Variants in SMARCD3 observed in about 807,000 individuals in gnomAD.
The protein encoded by SMARCD3 is SWI/SNF related BAF chromatin remodeling complex subunit D3.
Under a neutral mutation model 58.0 loss-of-function variants are expected in SMARCD3, and 14 were observed. That is an observed-to-expected ratio of 0.24 (90% confidence interval 0.16 to 0.38). SMARCD3 has a LOEUF of 0.38. SMARCD3 is among the 10% of genes least tolerant of loss of function. The pLI is 1.00. For missense variants in SMARCD3, 408 were observed against 636.9 expected, an observed-to-expected ratio of 0.64 and a Z score of 3.87; for synonymous variants, 253 against 253.8, an observed-to-expected ratio of 1.00 and a Z score of 0.03.
At chr7:151,275,002 G>A (rs764102039) in intron 2 of SMARCD3, 37 of 836,922 alleles carry the variant, frequency 4.4e-5, no homozygotes, top group Non-Finnish European at 7.1e-5. Flanking sequence ...CCAGCTGGGG[G>A]CAGAAATGCC....
intron 2 of SMARCD3, among the ~76,000 whole-genome samples, chr7:151,265,955 C>T (rs1447948524): frequency 2.0e-5 from 3 of 152,048 alleles, no homozygotes; most frequent in Admixed American, 6.6e-5. Flanking sequence ...TCAATTTAAC[C>T]TCAATTTTTT....
intron 2 of SMARCD3, among the ~76,000 whole-genome samples, chr7:151,272,320 G>A (rs1795200005): frequency 6.6e-6 from 1 of 152,126 alleles, no homozygotes; most frequent in Non-Finnish European, 1.5e-5. Flanking sequence ...TGGTGCAGTA[G>A]CCACATCCTA....
rs1000389532 is a variant in SMARCD3 at position 151,242,583 on chromosome 7, G to C, written c.477C>G (p.Leu159=). The C allele has an allele frequency of 1.2e-6, 2 of 1,613,566 alleles. No individual in the cohort carries two copies. Among genetic ancestry groups the C allele is most frequent in the Non-Finnish European group, 1.7e-6 (2 of 1,179,500 alleles). The change falls in exon 5 of 13, where the codon CTC becomes CTG. Residue 159 remains leucine, a synonymous_variant. Transcript: ENST00000262188. The surrounding 1 kb of genome is among the most constrained non-coding windows in gnomAD (Gnocchi z 4.7). The part of the protein sequence containing the change: ...RPMKQKRKLR[L]YISNTFNPAK... ...CAGGGTTAAAAGTGTTGGAGATATA[G>C]AGTCGCAGCTTCCGCTTTTGCTGTA...
chr7:151,247,616 G>A (rs1037628771), intron 1 of SMARCD3, among the ~76,000 whole-genome samples: 10 of 151,994 alleles, frequency 6.6e-5, no homozygotes, highest in African/African-American at 2.4e-4. Flanking sequence ...TAGTAAACCC[G>A]ACAGCTTCCT....
intron 2 of SMARCD3, among the ~76,000 whole-genome samples, chr7:151,273,158 C>T (rs1012344878): frequency 1.3e-5 from 2 of 152,236 alleles, no homozygotes; most frequent in African/African-American, 4.8e-5. Context: ...GATAAGATGC[C>T]AAACTTCCAC....
chr7:151,239,882 GAA>G lies in SMARCD3; in HGVS notation c.1174-138_1174-137del, dbSNP rs1166881194. The G allele has an allele frequency of 1.7e-5, 18 of 1,034,954 alleles. No homozygotes were observed. The East Asian group carries it at 4.0e-4, about 23-fold the overall frequency. The allele number at this position is 1,034,954 out of a possible 1,614,324, so 64.1% of individuals were successfully genotyped here. On this transcript the variant is annotated intron_variant, in intron 10 of 12. Coordinates refer to ENST00000262188, the MANE Select transcript of SMARCD3 (RefSeq NM_001003801.2). The surrounding 1 kb of genome is among the most constrained non-coding windows in gnomAD (Gnocchi z 7.0). ...ACCCCTCAGAGCCCCTGATTTCTCT[GAA>G]GTCCCAGGGGAGGAGGGGATGGGCA...
Position 151,239,338 on chromosome 7 carries a change from G to A in SMARCD3, c.1398+58C>T, listed in dbSNP as rs1802829807. ...GCGAGGGCTGCCCACAAGCTGAACAGGGAGGTTTCTCTTGGAGTTGAGGAT... is the reference window on the plus strand; with the variant it reads ...GCGAGGGCTGCCCACAAGCTGAACAAGGAGGTTTCTCTTGGAGTTGAGGAT... On this transcript the variant is annotated intron_variant, in intron 12 of 12. Coordinates refer to ENST00000262188, the MANE Select transcript of SMARCD3 (RefSeq NM_001003801.2). The surrounding 1 kb of genome is among the most constrained non-coding windows in gnomAD (Gnocchi z 7.0). 6.9e-7 allele frequency: 1 copy of A among 1,450,204 alleles called. No homozygotes were observed. The highest frequency in any genetic ancestry group is 9.7e-7 in the Non-Finnish European group (1 of 1,032,320). 89.8% of individuals were successfully genotyped at this position (1,450,204 alleles called of 1,614,324 possible). A position where few individuals can be genotyped will look rare whatever the true frequency, so the allele number is the denominator to read the frequency against.
chr7:151,265,781 C>T (rs1216497795), intron 2 of SMARCD3, among the ~76,000 whole-genome samples: 2 of 152,200 alleles, frequency 1.3e-5, no homozygotes, highest in Non-Finnish European at 2.9e-5. Context: ...TATTTATCAT[C>T]TTACCTCTCT....
At chr7:151,258,576 A>G (rs60499090) in intron 2 of SMARCD3, among the ~76,000 whole-genome samples, 20,937 of 150,492 alleles carry the variant, frequency 0.14, 1,643 homozygotes, top group African/African-American at 0.19. Flanking sequence ...AAAAAAAAAA[A>G]AAAAGAAAAA....
At chr7:151,257,708 C>G (rs796355165) in intron 2 of SMARCD3, among the ~76,000 whole-genome samples, 1 of 152,244 alleles carries the variant, frequency 6.6e-6, no homozygotes, top group African/African-American at 2.4e-5. Flanking sequence ...TCTTGCCTCC[C>G]GGGTTGCTCC....
upstream of SMARCD3, chr7:151,249,473 CTT>C (rs1327639801): frequency 1.3e-5 from 2 of 152,250 alleles, no homozygotes; most frequent in African/African-American, 4.8e-5. The surrounding 1 kb of genome is among the most constrained non-coding windows in gnomAD (Gnocchi z 4.8). Context: ...GTATGTGAGT[CTT>C]TGTTTGCCGC....
upstream of SMARCD3, chr7:151,248,766 G>A (rs1020825545): frequency 6.2e-6 from 6 of 961,710 alleles, no homozygotes; most frequent in Admixed American, 5.2e-5. This position sits in a 1 kb window ranked among gnomAD's most constrained non-coding sequence, Gnocchi z 6.1. Context: ...CGCCGCCGCC[G>A]CCGCCGCCGC....
intron 2 of SMARCD3, among the ~76,000 whole-genome samples, chr7:151,256,193 T>A (rs1230349557): frequency 2.9e-5 from 4 of 140,344 alleles, no homozygotes; most frequent in Admixed American, 7.2e-5. Context: ...TTTTTTTTTT[T>A]ATTTTTGAAA....
intron 1 of SMARCD3, among the ~76,000 whole-genome samples, chr7:151,275,719 G>A (rs1795319584): frequency 6.6e-6 from 1 of 152,198 alleles, no homozygotes; most frequent in African/African-American, 2.4e-5. Flanking sequence ...CTACCAGCTG[G>A]CCTAGGCGCC....
intron 2 of SMARCD3, among the ~76,000 whole-genome samples, chr7:151,268,003 C>T (rs1795051368): frequency 6.6e-6 from 1 of 152,136 alleles, no homozygotes; most frequent in Non-Finnish European, 1.5e-5. Context: ...AATAAAGTGA[C>T]AGCAATTCTT....
upstream of SMARCD3, among the ~76,000 whole-genome samples, chr7:151,252,440 T>TGAGA (rs35914888): frequency 0.033 from 4,974 of 149,490 alleles, 87 homozygotes; most frequent in Non-Finnish European, 0.041. Context: ...TGTGTGTGTG[T>TGAGA]GAGAGAGAGA....
chr7:151,270,558 C>T (rs886357454), intron 2 of SMARCD3, among the ~76,000 whole-genome samples: 9 of 152,290 alleles, frequency 5.9e-5, no homozygotes, highest in African/African-American at 1.4e-4. Flanking sequence ...TGGGCCTTCA[C>T]GCCCAAGCCG....
intron 2 of SMARCD3, among the ~76,000 whole-genome samples, chr7:151,267,484 G>C (rs1795028974): frequency 6.6e-6 from 1 of 152,192 alleles, no homozygotes. Flanking sequence ...CTCAGGGGTT[G>C]GTACTCCGGG....
At position 151,245,424 on chromosome 7, in the gene SMARCD3, C is replaced by A; in HGVS notation, c.290+36G>T. On this transcript the variant is annotated intron_variant, in intron 2 of 12. Coordinates refer to ENST00000262188, the MANE Select transcript of SMARCD3 (RefSeq NM_001003801.2). The surrounding 1 kb of genome is among the most constrained non-coding windows in gnomAD (Gnocchi z 6.2). ...CCCTGCGGGTCCCCCAGGGCCCGCC[C>A]CTGCACGCCCCCTCCTCGCCGGGCC... is the stretch of plus-strand genomic sequence containing the variant. 1.1e-6 allele frequency: 1 copy of A among 942,680 alleles called. No individual in the cohort carries two copies. The highest frequency in any genetic ancestry group is 1.4e-6 in the Non-Finnish European group (1 of 725,374). The allele number at this position is 942,680 out of a possible 1,614,324, so 58.4% of individuals were successfully genotyped here. A position where few individuals can be genotyped will look rare whatever the true frequency, so the allele number is the denominator to read the frequency against.
Sources: gnomAD v4.1 joint callset for allele counts (sites outside exome capture counted in the v4.1 genomes callset) on GRCh38, gnomAD v4.1.1 for gene constraint, Gnocchi (gnomAD v3.1) non-coding constraint, MANE v1.5 for transcripts, NCBI Gene and HGNC (gene_info 2026-07-23, HGNC 2026-07-21) for gene names.